S100A7: variants seen among roughly 807,000 people sequenced by gnomAD.
S100A7 encodes S100 calcium binding protein A7, also known as protein S100-A7.
Under a neutral mutation model 3.8 loss-of-function variants are expected in S100A7, and 2 were observed. The observed-to-expected ratio is 0.53, with a 90% CI of 0.22 to 1.67. S100A7 has a LOEUF of 1.67. S100A7 is among the 40% of genes most tolerant of loss of function. The pLI, the probability that S100A7 is intolerant of heterozygous loss-of-function variation, is 0.20. For missense variants in S100A7, 130 were observed against 126.3 expected (o/e 1.03, Z -0.14); for synonymous variants, 55 against 45.9 (o/e 1.20, Z -0.80).
chr1:153,458,465 C>G (rs570005954), intron 2 of S100A7, among the ~76,000 whole-genome samples: 1 of 152,216 alleles, frequency 6.6e-6, no homozygotes, highest in South Asian at 2.1e-4. Context: ...TTCAGATTTG[C>G]TAATGAGTCT....
Position 153,459,046 on chromosome 1 carries a change from A to G in S100A7, c.-17-16T>C. 6.2e-7 allele frequency: 1 copy of G among 1,608,188 alleles called. No individual in the cohort carries two copies. The highest frequency in any genetic ancestry group is 8.5e-7 in the Non-Finnish European group (1 of 1,176,480). ...TTCAAAAAGCCTTCAGGAAATAAAG[A>G]CAATCATTTTTTTCCCTTCATTTAA... On this transcript the variant is annotated splice_polypyrimidine_tract_variant and intron_variant, in intron 1 of 2. Transcript: ENST00000368723.
Position 153,457,947 on chromosome 1 carries a change from G to A in S100A7, c.165C>T (p.Leu55=), listed in dbSNP as rs775084129. 10 of 1,613,938 alleles carry A rather than the reference G, an allele frequency of 6.2e-6. No individual in the cohort carries two copies. Among genetic ancestry groups the A allele is most frequent in the East Asian group, 4.5e-5 (2 of 44,890 alleles). The change falls in exon 3 of 3, where the codon CTC becomes CTT. Residue 55 remains leucine (L), a synonymous_variant. Coordinates refer to ENST00000368723, the MANE Select transcript of S100A7 (RefSeq NM_002963.4). Reference sequence around the variant, plus strand: ...TGTCCTTTTTCTCAAAGACATCGGCGAGGTAATTTGTGCCCTTTTTGTCCT... The same window carrying A: ...TGTCCTTTTTCTCAAAGACATCGGCAAGGTAATTTGTGCCCTTTTTGTCCT... ...SACDKKGTNY[L]ADVFEKKDKN...
At chr1:153,459,312 G>C (rs539125022) in intron 1 of S100A7, among the ~76,000 whole-genome samples, 32 of 152,168 alleles carry the variant, frequency 2.1e-4, no homozygotes, top group Non-Finnish European at 3.5e-4. Context: ...AGGGAGAGTC[G>C]GGCGCCAGCA....
intron 1 of S100A7, 102 bp downstream of exon 1, chr1:153,460,506 G>T: frequency 1.5e-6 from 1 of 658,458 alleles, no homozygotes; most frequent in Non-Finnish European, 2.8e-6. Flanking sequence ...CTAGACCCAG[G>T]CTTCTGAGTC....
At chr1:153,458,008 T>C (rs779788669) in intron 2 of S100A7, 38 bp from the exon 3 acceptor site, 1 of 1,607,040 alleles carries the variant, frequency 6.2e-7, no homozygotes, top group Non-Finnish European at 8.5e-7. Flanking sequence ...AAAAATTCAA[T>C]CACAAACAAG....
chr1:153,460,584 C>T (rs1393921300), intron 1 of S100A7, 24 bp downstream of exon 1: 131 of 902,878 alleles, frequency 1.5e-4, no homozygotes, highest in Admixed American at 1.6e-4. Context: ...TTCTAGAAAA[C>T]GCAAAGAGGC....
Position 153,457,795 on chromosome 1 carries a change from G to T in S100A7, c.*11C>A, listed in dbSNP as rs369456809. The T allele has an allele frequency of 1.2e-6, 2 of 1,613,456 alleles. No homozygotes were observed. Among genetic ancestry groups the T allele is most frequent in the Non-Finnish European group, 1.7e-6 (2 of 1,179,680 alleles). ...TCCTGGGGTCTCTGGAGGCCCATTGGTGGGGCTGGGTCACTGGCTGCCCCC... is the reference window on the plus strand; with the variant it reads ...TCCTGGGGTCTCTGGAGGCCCATTGTTGGGGCTGGGTCACTGGCTGCCCCC... On this transcript the variant is annotated 3_prime_UTR_variant, in exon 3 of 3. Transcript: ENST00000368723.
Position 153,457,752 on chromosome 1 carries a change from G to A in S100A7, c.*54C>T, listed in dbSNP as rs1397388412. 6 of 1,576,828 alleles carry A rather than the reference G, an allele frequency of 3.8e-6. No homozygotes were observed. Among genetic ancestry groups the A allele is most frequent in the African/African-American group, 2.7e-5 (2 of 73,498 alleles). On this transcript the variant is annotated 3_prime_UTR_variant, in exon 3 of 3. Coordinates refer to ENST00000368723, the MANE Select transcript of S100A7 (RefSeq NM_002963.4). ...AGAAAATAAGGCAAGTGTCTGGTGGGAGAAGACATTTTATTGTTCCTGGGG... is the reference window on the plus strand; with the variant it reads ...AGAAAATAAGGCAAGTGTCTGGTGGAAGAAGACATTTTATTGTTCCTGGGG...
Position 153,460,622 on chromosome 1 carries a change from G to A in S100A7, c.-32C>T, listed in dbSNP as rs184294486. ...GTGAGACTTACCAGAGCTGGGAAGCGTCACGAGTAGAAGGATGAGTGAGAT... is the reference window on the plus strand; with the variant it reads ...GTGAGACTTACCAGAGCTGGGAAGCATCACGAGTAGAAGGATGAGTGAGAT... On this transcript the variant is annotated 5_prime_UTR_variant, in exon 1 of 3. It adds an upstream start codon to the 5' untranslated region. Transcript: ENST00000368723. 111 of 1,191,098 alleles carry A rather than the reference G, an allele frequency of 9.3e-5. No homozygotes were observed. Among genetic ancestry groups the A allele is most frequent in the South Asian group, 9.1e-4 (70 of 76,752 alleles). 73.8% of individuals were successfully genotyped at this position (1,191,098 alleles called of 1,614,324 possible).
At position 153,458,921 on chromosome 1, in the gene S100A7, G is replaced by T. The variant is rs139378910; in HGVS notation, c.93C>A (p.Ser31Arg). The T allele has an allele frequency of 5.8e-5, 93 of 1,614,016 alleles. No individual in the cohort carries two copies. Among genetic ancestry groups the T allele is most frequent in the Non-Finnish European group, 7.6e-5 (90 of 1,179,918 alleles). Reference sequence around the variant, plus strand: ...AGTTCTCCTTCATCATCGTCAGCAGGCTTGGCTTCTCAATCTTGTCATCAC... The same window carrying T: ...AGTTCTCCTTCATCATCGTCAGCAGTCTTGGCTTCTCAATCTTGTCATCAC... ...TRRDDKIEKP[S>R]LLTMMKENFP... The change falls in exon 2 of 3, where the codon AGC becomes AGA. Residue 31 changes from serine to arginine, a missense_variant. By Grantham distance (110) the Ser-to-Arg change is moderately radical. Transcript: ENST00000368723.
At position 153,458,088 on chromosome 1, in the gene S100A7, C is replaced by T. The variant is rs557089551; in HGVS notation, c.142-118G>A. On this transcript the variant is annotated intron_variant, in intron 2 of 2. Coordinates refer to ENST00000368723, the MANE Select transcript of S100A7 (RefSeq NM_002963.4). ...ACCTAGATCTGCACAGGCATGGTGG[C>T]GGGGCTGAGAGCACAGGGTGAGTGG... 300 of 1,181,740 alleles carry T rather than the reference C, an allele frequency of 2.5e-4. 1 individual carries two copies. In the South Asian group the frequency reaches 2.5e-3, roughly 10 times the overall value. The allele number at this position is 1,181,740 out of a possible 1,614,324, so 73.2% of individuals were successfully genotyped here. A position where few individuals can be genotyped will look rare whatever the true frequency, so the allele number is the denominator to read the frequency against.
intron 1 of S100A7, among the ~76,000 whole-genome samples, chr1:153,459,628 G>T (rs1232562802): frequency 1.3e-5 from 2 of 152,232 alleles, no homozygotes; most frequent in East Asian, 1.9e-4. Context: ...AGCACAGGGG[G>T]CCCTTCTTGT....
At chr1:153,460,579 G>T in intron 1 of S100A7, 29 bp downstream of exon 1, 1 of 876,128 alleles carries the variant, frequency 1.1e-6, no homozygotes, top group Non-Finnish European at 1.9e-6. Flanking sequence ...GGCACTTCTA[G>T]AAAACGCAAA....
intron 1 of S100A7, among the ~76,000 whole-genome samples, chr1:153,460,172 G>C (rs1297878099): frequency 6.6e-6 from 1 of 152,224 alleles, no homozygotes; most frequent in Non-Finnish European, 1.5e-5. Context: ...CATCTGGCCA[G>C]GGCTATGCTG....
chr1:153,458,996 A>G lies in S100A7; in HGVS notation c.18T>C (p.Ala6=). The change falls in exon 2 of 3, where the codon GCT becomes GCC. Residue 6 remains alanine, a synonymous_variant. Coordinates refer to ENST00000368723, the MANE Select transcript of S100A7 (RefSeq NM_002963.4). ...CGATCATGCCTATTATGGACCTCTC[A>G]GCTTGAGTGTTGCTCATCTTTGCTT... is the stretch of plus-strand genomic sequence containing the variant. The part of the protein sequence containing the change: MSNTQ[A]ERSIIGMIDM... 3 of 1,613,482 alleles carry G rather than the reference A, an allele frequency of 1.9e-6. No individual in the cohort carries two copies. Among genetic ancestry groups the G allele is most frequent in the Non-Finnish European group, 2.5e-6 (3 of 1,179,878 alleles).
At chr1:153,459,850 T>G (rs1179822088) in intron 1 of S100A7, 1 of 152,268 alleles carries the variant, frequency 6.6e-6, no homozygotes, top group Non-Finnish European at 1.5e-5. Context: ...CAGTAGTCAG[T>G]CTGGGCTGGC....
chr1:153,458,091 G>A, intron 2 of S100A7, 121 bp from the exon 3 acceptor site: 1 of 1,135,952 alleles, frequency 8.8e-7, no homozygotes, highest in Non-Finnish European at 1.3e-6. Flanking sequence ...ATGGTGGCGG[G>A]GCTGAGAGCA....
At chr1:153,459,565 G>A (rs1663776712) in intron 1 of S100A7, among the ~76,000 whole-genome samples, 1 of 152,190 alleles carries the variant, frequency 6.6e-6, no homozygotes, top group African/African-American at 2.4e-5. Flanking sequence ...CAGGCTCCAG[G>A]TGCACATGTG....
In S100A7 at chr1:153,457,927, T is replaced by C. The variant is rs1043083537; in HGVS notation, c.185A>G (p.Lys62Arg). The C allele has an allele frequency of 1.2e-6, 2 of 1,613,996 alleles. No homozygotes were observed. The highest frequency in any genetic ancestry group is 2.7e-5 in the African/African-American group (2 of 74,902). ...AATCTTCTTATCCTCATTCTTGTCCTTTTTCTCAAAGACATCGGCGAGGTA... is the reference window on the plus strand; with the variant it reads ...AATCTTCTTATCCTCATTCTTGTCCCTTTTCTCAAAGACATCGGCGAGGTA... ...TNYLADVFEK[K>R]DKNEDKKIDF... Residue 62 changes from lysine to arginine, a missense_variant, in exon 3 of 3, where the codon AAG becomes AGG. Lys to Arg is a conservative substitution (Grantham distance 26, BLOSUM62 2). Transcript: ENST00000368723.
Sources: gnomAD v4.1 joint callset for allele counts (sites outside exome capture counted in the v4.1 genomes callset) on GRCh38, gnomAD v4.1.1 for gene constraint, MANE v1.5 for transcripts, NCBI Gene and HGNC (gene_info 2026-07-23, HGNC 2026-07-21) for gene names.